The following GBE1 variants were observed in gnomAD, a reference collection of about 807,000 sequenced individuals.
The protein encoded by GBE1 is 1,4-alpha-glucan branching enzyme 1.
In GBE1, 70 loss-of-function variants were observed where a neutral mutation model predicts 88.8. The observed-to-expected ratio is 0.79, with a 90% CI of 0.65 to 0.96. The LOEUF is 0.96. GBE1 is among the 40% of genes least tolerant of loss of function. The probability of loss-of-function intolerance (pLI) is 0.00; values close to 1 mark genes in which losing one functional copy is unlikely to be tolerated. For missense variants in GBE1, 872 were observed against 871.0 expected, an observed-to-expected ratio of 1.00 and a Z score of -0.01; for synonymous variants, 284 against 300.1, an observed-to-expected ratio of 0.95 and a Z score of 0.56.
chr3:81,691,182 C>T (rs1705513797), intron 2 of GBE1, among the ~76,000 whole-genome samples: 1 of 152,026 alleles, frequency 6.6e-6, no homozygotes, highest in South Asian at 2.1e-4. Flanking sequence ...GAATGAATCT[C>T]GATCTTAAAT....
chr3:81,539,620 T>C lies in GBE1; in HGVS notation c.1619-2525A>G, dbSNP rs577930066. Among the ~76,000 whole-genome samples the C allele has an allele frequency of 3.9e-5, 6 of 152,116 alleles. No individual in the cohort carries two copies. The South Asian group carries it at 1.0e-3, about 26-fold the overall frequency. Reference sequence around the variant, plus strand: ...GATTCTGTGGAAACACAGAAAAGAATGATCGATTCAAATGGCATTTCTGAG... The same window carrying C: ...GATTCTGTGGAAACACAGAAAAGAACGATCGATTCAAATGGCATTTCTGAG... On this transcript the variant is annotated intron_variant, in intron 12 of 15. Transcript: ENST00000429644.
intron 7 of GBE1, among the ~76,000 whole-genome samples, chr3:81,628,742 C>CATATATATATATATATATAT (rs71108330): frequency 1.5e-5 from 1 of 65,418 alleles, no homozygotes; most frequent in Admixed American, 1.9e-4. Context: ...AGAACAATTG[C>CATATATATATATATATATAT]ATATATATAT....
At chr3:81,502,201 A>C (rs915767487) in intron 14 of GBE1, among the ~76,000 whole-genome samples, 9 of 152,166 alleles carry the variant, frequency 5.9e-5, no homozygotes, top group African/African-American at 2.2e-4. Flanking sequence ...CACAAAATTT[A>C]ATAGTTTTTG....
chr3:81,711,011 G>T (rs1705858091), intron 1 of GBE1, among the ~76,000 whole-genome samples: 1 of 152,188 alleles, frequency 6.6e-6, no homozygotes, highest in Non-Finnish European at 1.5e-5. Flanking sequence ...GTTACTACTA[G>T]GCGATAGGTA....
At chr3:81,685,384 C>T (rs1345107958) in intron 2 of GBE1, among the ~76,000 whole-genome samples, 1 of 151,850 alleles carries the variant, frequency 6.6e-6, no homozygotes, top group Non-Finnish European at 1.5e-5. Flanking sequence ...TTCCTTGATT[C>T]CATTTTTGTT....
intron 1 of GBE1, among the ~76,000 whole-genome samples, chr3:81,717,234 G>A (rs567801445): frequency 6.6e-6 from 1 of 152,236 alleles, no homozygotes; most frequent in South Asian, 2.1e-4. Context: ...ACCAGCTCTT[G>A]GCTCAAATAA....
intron 12 of GBE1, among the ~76,000 whole-genome samples, chr3:81,573,773 CTCTG>C (rs908558216): frequency 4.3e-5 from 5 of 117,302 alleles, no homozygotes; most frequent in Middle Eastern, 4.0e-3. Context: ...CTCTCTCTCT[CTCTG>C]TGTGTGTGTG....
chr3:81,662,672 A>G (rs901142459), intron 3 of GBE1, among the ~76,000 whole-genome samples: 3 of 151,814 alleles, frequency 2.0e-5, no homozygotes, highest in Non-Finnish European at 4.4e-5. Flanking sequence ...TAAAAAAAAA[A>G]AAAAAGAAAA....
At chr3:81,608,548 G>T (rs1233463577) in intron 7 of GBE1, among the ~76,000 whole-genome samples, 1 of 152,022 alleles carries the variant, frequency 6.6e-6, no homozygotes, top group Non-Finnish European at 1.5e-5. Context: ...CTATTTCACT[G>T]ACATGTAGAA....
At chr3:81,501,715 T>TTTTTTTTA (rs1312458412) in intron 14 of GBE1, among the ~76,000 whole-genome samples, 1 of 134,304 alleles carries the variant, frequency 7.4e-6, no homozygotes, top group Non-Finnish European at 1.6e-5. Flanking sequence ...TTTTTTTTTT[T>TTTTTTTTA]AAGACAGGGT....
intron 1 of GBE1, among the ~76,000 whole-genome samples, chr3:81,750,651 A>G (rs1476730338): frequency 0.016 from 1,018 of 63,564 alleles, 140 homozygotes; most frequent in African/African-American, 0.074. Context: ...ATATGTATAT[A>G]TATATATGTA....
At chr3:81,630,884 A>C (rs7619190) in intron 7 of GBE1, among the ~76,000 whole-genome samples, 12,122 of 152,202 alleles carry the variant, frequency 0.08, 865 homozygotes, top group African/African-American at 0.19. Flanking sequence ...AGAGCATCAT[A>C]AAATAGGATC....
chr3:81,523,224 A>G (rs553765527), intron 14 of GBE1, among the ~76,000 whole-genome samples: 3 of 150,744 alleles, frequency 2.0e-5, no homozygotes, highest in Non-Finnish European at 4.4e-5. Context: ...TGTTAAAGTT[A>G]ATATATTAAT....
Position 81,652,988 on chromosome 3 carries a change from A to T in GBE1, c.430-3067T>A, listed in dbSNP as rs3821552. ...CACAACCTCAAAATGTCAGCATGCT[A>T]TGGAGCAAACTGAAAGAAAGAACTG... On this transcript the variant is annotated intron_variant, in intron 3 of 15. Transcript: ENST00000429644. Among the ~76,000 whole-genome samples, 815 of 152,080 alleles carry T rather than the reference A, an allele frequency of 5.4e-3. 5 individuals are homozygous for T. Among genetic ancestry groups the T allele is most frequent in the African/African-American group, 0.019 (797 of 41,502 alleles).
intron 14 of GBE1, among the ~76,000 whole-genome samples, chr3:81,525,125 C>T (rs1054334415): frequency 6.6e-6 from 1 of 151,806 alleles, no homozygotes; most frequent in South Asian, 2.1e-4. Context: ...AGAGAAGATG[C>T]TTGATATTAT....
intron 7 of GBE1, among the ~76,000 whole-genome samples, chr3:81,611,096 CT>C (rs1704176472): frequency 6.6e-6 from 1 of 151,412 alleles, no homozygotes; most frequent in East Asian, 1.9e-4. Flanking sequence ...TTTTTTTCCC[CT>C]GCTACCTTGT....
Position 81,490,314 on chromosome 3 carries a change from T to C in GBE1, c.*93A>G. ...TTGATGGCTTGGCTAGACAACTGTA[T>C]TCTGAAAAGCATACATGTTATAAGC... On this transcript the variant is annotated 3_prime_UTR_variant, in exon 16 of 16. Transcript: ENST00000429644. 1.9e-6 allele frequency: 2 copies of C among 1,073,284 alleles called. No homozygotes were observed. The highest frequency in any genetic ancestry group is 3.6e-5 in the Admixed American group (2 of 55,648). 66.5% of individuals were successfully genotyped at this position (1,073,284 alleles called of 1,614,324 possible).
intron 1 of GBE1, among the ~76,000 whole-genome samples, chr3:81,726,476 TTTTTA>T (rs1314408994): frequency 1.3e-5 from 2 of 152,190 alleles, no homozygotes; most frequent in African/African-American, 4.8e-5. Flanking sequence ...TATTTCACTG[TTTTTA>T]TTTTTTTTAA....
At chr3:81,663,450 T>A (rs554551489) in intron 3 of GBE1, among the ~76,000 whole-genome samples, 43 of 152,234 alleles carry the variant, frequency 2.8e-4, no homozygotes, top group South Asian at 2.1e-3. Context: ...CGGGGCAATC[T>A]GAGGAGAGCC....
Sources: gnomAD v4.1 joint callset for allele counts (sites outside exome capture counted in the v4.1 genomes callset) on GRCh38, gnomAD v4.1.1 for gene constraint, MANE v1.5 for transcripts, NCBI Gene and HGNC (gene_info 2026-07-23, HGNC 2026-07-21) for gene names.